The following RPRD2 variants were observed in gnomAD, a reference collection of about 807,000 sequenced individuals.
The protein encoded by RPRD2 is regulation of nuclear pre-mRNA domain-containing protein 2.
Under a neutral mutation model 104.4 loss-of-function variants are expected in RPRD2, and 12 were observed. That is an observed-to-expected ratio of 0.11 (90% CI 0.07 to 0.19). RPRD2 has a LOEUF of 0.19. RPRD2 is among the 10% of genes least tolerant of loss of function. RPRD2 has a pLI of 1.00. For missense variants in RPRD2, 1,543 were observed against 1,790.1 expected, an observed-to-expected ratio of 0.86 and a Z score of 2.49; for synonymous variants, 714 against 684.9, an observed-to-expected ratio of 1.04 and a Z score of -0.66.
At position 150,474,755 on chromosome 1, in the gene RPRD2, G is replaced by A. The variant is rs1668805418; in HGVS notation, c.*1421G>A. The stretch of plus-strand genomic sequence containing the variant: ...CTCAACTGATAATCTCCAGCTAGAT[G>A]AGTAAAACAGTATGTGTTTAGTTTT... On this transcript the variant is annotated 3_prime_UTR_variant, in exon 11 of 11. Transcript: ENST00000369068. The A allele has an allele frequency of 1.3e-5, 2 of 152,116 alleles. No homozygotes were observed. The highest frequency in any genetic ancestry group is 2.9e-5 in the Non-Finnish European group (2 of 68,022). The allele number at this position is 152,116 out of a possible 1,614,324, so 9.4% of individuals were successfully genotyped here.
intron 1 of RPRD2, among the ~76,000 whole-genome samples, chr1:150,369,301 A>T (rs1660086817): frequency 6.6e-6 from 1 of 151,738 alleles, no homozygotes; most frequent in Non-Finnish European, 1.5e-5. Flanking sequence ...GAGGTGGGGG[A>T]GGGACAGAGT....
intron 1 of RPRD2, among the ~76,000 whole-genome samples, chr1:150,386,156 ATGG>A (rs1232554424): frequency 6.6e-6 from 1 of 152,034 alleles, no homozygotes; most frequent in African/African-American, 2.4e-5. Context: ...TTTTTTTGAG[ATGG>A]TGGGGGATCT....
At position 150,472,614 on chromosome 1, in the gene RPRD2, T is replaced by A; in HGVS notation, c.3666T>A (p.Asp1222Glu). ...PSSAPPVPPK[D>E]HGGIFSRDAP... ...CTGCCCCACCTGTCCCTCCTAAGGA[T>A]CATGGTGGTATCTTCTCTCGAGATG... Residue 1222 changes from aspartate to glutamate, a missense_variant, in exon 11 of 11, where the codon GAT becomes GAA. By Grantham distance (45) the Asp-to-Glu change is conservative (BLOSUM62 2). Transcript: ENST00000369068. The A allele has an allele frequency of 6.2e-7, 1 of 1,613,840 alleles. No homozygotes were observed. Among genetic ancestry groups the A allele is most frequent in the Non-Finnish European group, 8.5e-7 (1 of 1,179,838 alleles).
rs782636399 is a variant in RPRD2 at position 150,395,216 on chromosome 1, CAT to C, written c.206-22378_206-22377del. ...TGTCTTCCTTATGCCTTTGCATCCT[CAT>C]AGCTTAGCTCCCACATATGAGTGAG... On this transcript the variant is annotated intron_variant, in intron 1 of 10. Transcript: ENST00000369068. 2.6e-5 allele frequency among the ~76,000 whole-genome samples: 4 copies of C among 152,300 alleles called. No homozygotes were observed. In the South Asian group the frequency reaches 6.2e-4, roughly 24 times the overall value.
At position 150,476,309 on chromosome 1, in the gene RPRD2, G is replaced by A. The variant is rs1473771209; in HGVS notation, c.*2975G>A. 1 of 152,184 alleles carries A rather than the reference G, an allele frequency of 6.6e-6. No homozygotes were observed. Among genetic ancestry groups the A allele is most frequent in the Non-Finnish European group, 1.5e-5 (1 of 68,038 alleles). The allele number at this position is 152,184 out of a possible 1,614,324, so 9.4% of individuals were successfully genotyped here. Reference sequence around the variant, plus strand: ...TGGCAGGATATTCACTCTCAATCCTGAAGTTACCGGTTCCTGCAGAATTGA... The same window carrying A: ...TGGCAGGATATTCACTCTCAATCCTAAAGTTACCGGTTCCTGCAGAATTGA... On this transcript the variant is annotated 3_prime_UTR_variant, in exon 11 of 11. Transcript: ENST00000369068.
rs145823958 is a variant in RPRD2 at position 150,446,063 on chromosome 1, G to A, written c.695-163G>A. 2.3e-3 allele frequency among the ~76,000 whole-genome samples: 271 copies of A among 116,746 alleles called. 3 individuals are homozygous for A. In the East Asian group the frequency reaches 0.035, roughly 15 times the overall value. 76.6% of individuals were successfully genotyped at this position (116,746 alleles called of 152,430 possible). ...AGCCTGGGCGACAGAGTGAGACTCC[G>A]TCTCAAAAAAAAAAAAAAAGAAAGA... On this transcript the variant is annotated intron_variant, in intron 6 of 10. Coordinates refer to ENST00000369068, the MANE Select transcript of RPRD2 (RefSeq NM_015203.5).
intron 1 of RPRD2, among the ~76,000 whole-genome samples, chr1:150,379,203 A>T (rs1462299429): frequency 8.6e-5 from 13 of 150,630 alleles, no homozygotes; most frequent in Admixed American, 6.6e-4. Context: ...GAATTGCTTG[A>T]ACCTGGGAGG....
chr1:150,405,792 G>T (rs1212372013), intron 1 of RPRD2, among the ~76,000 whole-genome samples: 1 of 152,122 alleles, frequency 6.6e-6, no homozygotes, highest in Non-Finnish European at 1.5e-5. Flanking sequence ...ATGCCATCTT[G>T]CCTGGGACAG....
chr1:150,410,247 T>C (rs782198987), intron 1 of RPRD2, among the ~76,000 whole-genome samples: 10 of 152,284 alleles, frequency 6.6e-5, no homozygotes, highest in South Asian at 2.1e-4. Flanking sequence ...CTTTGAACTT[T>C]ACTCTTGTTA....
chr1:150,396,543 G>A (rs1453454044), intron 1 of RPRD2, among the ~76,000 whole-genome samples: 1 of 152,200 alleles, frequency 6.6e-6, no homozygotes, highest in Non-Finnish European at 1.5e-5. Flanking sequence ...TAAGGTAAGA[G>A]ATGAGGATCC....
intron 4 of RPRD2, among the ~76,000 whole-genome samples, 168 bp downstream of exon 4, chr1:150,442,126 T>TAAAAAAAA: frequency 7.9e-6 from 1 of 126,532 alleles, no homozygotes; most frequent in Non-Finnish European, 1.6e-5. Context: ...GAGATACTTC[T>TAAAAAAAA]AAAAAAAAAA....
rs782800042 is a variant in RPRD2 at position 150,444,408 on chromosome 1, G to C, written c.694+31G>C. 6.2e-6 allele frequency: 10 copies of C among 1,600,270 alleles called. No homozygotes were observed. The South Asian group carries it at 1.0e-4, about 16-fold the overall frequency. ...GCTTACATCCTTTTAGAGTAAGTCA[G>C]ATTTTCTTTCCATATGTGTCATTTT... On this transcript the variant is annotated intron_variant, in intron 6 of 10. Coordinates refer to ENST00000369068, the MANE Select transcript of RPRD2 (RefSeq NM_015203.5).
At chr1:150,450,354 C>T (rs1483453641) in intron 7 of RPRD2, among the ~76,000 whole-genome samples, 1 of 151,878 alleles carries the variant, frequency 6.6e-6, no homozygotes, top group Non-Finnish European at 1.5e-5. Flanking sequence ...CGCCTGTAAT[C>T]CCAGCACTTT....
chr1:150,430,286 AAAT>A (rs1665462142), intron 2 of RPRD2, among the ~76,000 whole-genome samples: 1 of 152,098 alleles, frequency 6.6e-6, no homozygotes, highest in South Asian at 2.1e-4. Context: ...AGATGGAAAA[AAAT>A]AATCTATAGG....
At chr1:150,466,011 C>CAAAA (rs71578500) in intron 10 of RPRD2, among the ~76,000 whole-genome samples, 81 of 69,126 alleles carry the variant, frequency 1.2e-3, no homozygotes, top group African/African-American at 4.0e-3. Flanking sequence ...AGACTCAGTC[C>CAAAA]AAAAAAAAAA....
intron 9 of RPRD2, among the ~76,000 whole-genome samples, chr1:150,460,616 T>C (rs1553898628): frequency 6.6e-6 from 1 of 152,094 alleles, no homozygotes; most frequent in Non-Finnish European, 1.5e-5. Flanking sequence ...TTGGCCAGGC[T>C]GGTCTTGAAC....
chr1:150,432,407 C>G (rs1665666508), intron 2 of RPRD2, among the ~76,000 whole-genome samples: 1 of 151,518 alleles, frequency 6.6e-6, no homozygotes, highest in African/African-American at 2.4e-5. Context: ...TATTTATGTC[C>G]CCCCGAAATT....
At chr1:150,397,253 C>T (rs948587584) in intron 1 of RPRD2, among the ~76,000 whole-genome samples, 2 of 152,108 alleles carry the variant, frequency 1.3e-5, no homozygotes, top group South Asian at 2.1e-4. Flanking sequence ...GGATTACAGG[C>T]GTCAGCCACT....
At chr1:150,380,137 C>T (rs587715628) in intron 1 of RPRD2, among the ~76,000 whole-genome samples, 1 of 152,270 alleles carries the variant, frequency 6.6e-6, no homozygotes, top group South Asian at 2.1e-4. Flanking sequence ...TTTATAGCAT[C>T]ACTACCCACC....
Sources: gnomAD v4.1 joint callset for allele counts (sites outside exome capture counted in the v4.1 genomes callset) on GRCh38, gnomAD v4.1.1 for gene constraint, MANE v1.5 for transcripts, NCBI Gene and HGNC (gene_info 2026-07-23, HGNC 2026-07-21) for gene names.